The following PPIA variants were observed in gnomAD, a reference collection of about 807,000 sequenced individuals.
PPIA encodes peptidylprolyl isomerase A.
Under a neutral mutation model 15.3 loss-of-function variants are expected in PPIA, and 2 were observed. The ratio of observed to expected loss-of-function variants is 0.13; its 90% CI spans 0.05 to 0.41. PPIA has a LOEUF of 0.41. Among genes scored for constraint, PPIA ranks in the 10% least tolerant of loss-of-function variants. The probability of loss-of-function intolerance (pLI) is 0.99; values close to 1 mark genes in which losing one functional copy is unlikely to be tolerated. For synonymous variants in PPIA, 67 were observed against 73.1 expected (o/e 0.92, Z 0.43); for missense variants, 103 against 210.3 (o/e 0.49, Z 3.16).
intron 1 of PPIA, among the ~76,000 whole-genome samples, chr7:44,797,512 C>T (rs1474563470): frequency 6.6e-6 from 1 of 152,186 alleles, no homozygotes; most frequent in African/African-American, 2.4e-5. Context: ...GACCGCCTTC[C>T]ACTGCAGTGA....
At chr7:44,797,569 C>A (rs867284511) in intron 1 of PPIA, among the ~76,000 whole-genome samples, 1 of 152,190 alleles carries the variant, frequency 6.6e-6, no homozygotes, top group African/African-American at 2.4e-5. Context: ...GATTGTCCCT[C>A]TGCCTAGCAA....
intron 1 of PPIA, among the ~76,000 whole-genome samples, chr7:44,797,410 G>T (rs1792408713): frequency 6.6e-6 from 1 of 152,184 alleles, no homozygotes; most frequent in African/African-American, 2.4e-5. Context: ...GATAAAGTAG[G>T]AATATTTATA....
In PPIA at chr7:44,802,405, T is replaced by TC. The variant is rs973170802; in HGVS notation, c.*986dup. 1 of 152,140 alleles carries TC rather than the reference T, an allele frequency of 6.6e-6. No homozygotes were observed. Among genetic ancestry groups the TC allele is most frequent in the African/African-American group, 2.4e-5 (1 of 41,420 alleles). 9.4% of individuals were successfully genotyped at this position (152,140 alleles called of 1,614,324 possible). A position where few individuals can be genotyped will look rare whatever the true frequency, so the allele number is the denominator to read the frequency against. ...CTCAGCTGATGCGCCTGCCTTGGCC[T>TC]CCCAAACTGCTGAGATTACAGATGT... On this transcript the variant is annotated 3_prime_UTR_variant, in exon 5 of 5. Coordinates refer to ENST00000468812, the MANE Select transcript of PPIA (RefSeq NM_021130.5).
intron 4 of PPIA, chr7:44,800,398 C>T (rs75289788): frequency 0.25 from 36,026 of 142,268 alleles, 7,140 homozygotes; most frequent in East Asian, 0.73. Context: ...CAATTAAGTG[C>T]TTTTTTTTTT....
chr7:44,799,957 C>G, intron 4 of PPIA, 83 bp downstream of exon 4: 2 of 1,421,966 alleles, frequency 1.4e-6, no homozygotes, highest in Middle Eastern at 1.8e-4. Context: ...TACTTTTCTT[C>G]AACCTTTGCT....
In PPIA at chr7:44,801,563, TC is replaced by T. The variant is rs1792563076; in HGVS notation, c.*144del. 1.7e-6 allele frequency: 1 copy of T among 588,786 alleles called. No homozygotes were observed. Among genetic ancestry groups the T allele is most frequent in the Admixed American group, 3.1e-5 (1 of 32,482 alleles). The allele number at this position is 588,786 out of a possible 1,614,324, so 36.5% of individuals were successfully genotyped here. A position where few individuals can be genotyped will look rare whatever the true frequency, so the allele number is the denominator to read the frequency against. On this transcript the variant is annotated 3_prime_UTR_variant, in exon 5 of 5. Transcript: ENST00000468812. The stretch of plus-strand genomic sequence containing the variant: ...CCTTTGGGTTCCATGTTTTCCTTGT[TC>T]CCTCCCATGCCTAGCTGGATTGCAG...
intron 1 of PPIA, 76 bp from the exon 2 acceptor site, chr7:44,799,171 C>T: frequency 1.4e-6 from 2 of 1,457,612 alleles, no homozygotes; most frequent in African/African-American, 2.9e-5. Flanking sequence ...GAATTTATGA[C>T]TCAGAAGCCC....
At chr7:44,798,074 C>T (rs1393757995) in intron 1 of PPIA, 1 of 152,098 alleles carries the variant, frequency 6.6e-6, no homozygotes, top group Non-Finnish European at 1.5e-5. Context: ...ACCCAAAGAG[C>T]TTCAGGGAAA....
intron 3 of PPIA, 71 bp downstream of exon 3, chr7:44,799,551 G>A: frequency 6.3e-7 from 1 of 1,576,074 alleles, no homozygotes; most frequent in South Asian, 1.1e-5. Context: ...GAATATTTCA[G>A]GATACACATA....
intron 1 of PPIA, chr7:44,798,986 A>G: frequency 8.4e-7 from 1 of 1,186,942 alleles, no homozygotes; most frequent in Non-Finnish European, 1.1e-6. Context: ...TGATGTACTA[A>G]AAGTTTGAGA....
At chr7:44,797,161 G>C (rs1216350266) in intron 1 of PPIA, among the ~76,000 whole-genome samples, 1 of 152,222 alleles carries the variant, frequency 6.6e-6, no homozygotes, top group East Asian at 1.9e-4. Context: ...GGGCGCCGCA[G>C]ACCGGAGCCA....
At chr7:44,798,816 T>A in intron 1 of PPIA, 1 of 995,224 alleles carries the variant, frequency 1.0e-6, no homozygotes, top group Non-Finnish European at 1.2e-6. Flanking sequence ...AGATTGGAGG[T>A]AGTAGCATTT....
chr7:44,799,641 C>A lies in PPIA; in HGVS notation c.190-61C>A, dbSNP rs140986835. On this transcript the variant is annotated intron_variant, in intron 3 of 4. Coordinates refer to ENST00000468812, the MANE Select transcript of PPIA (RefSeq NM_021130.5). ...ACTTGGGTTTAAAGTTTGAACCTTG[C>A]AGATTTGGCACACTTCATGGTTATG... 4 of 1,604,198 alleles carry A rather than the reference C, an allele frequency of 2.5e-6. No individual in the cohort carries two copies. In the East Asian group the frequency reaches 6.7e-5, roughly 27 times the overall value.
Position 44,799,424 on chromosome 7 carries a change from G to A in PPIA, c.133G>A (p.Gly45Arg). The A allele has an allele frequency of 6.2e-7, 1 of 1,613,036 alleles. No individual in the cohort carries two copies. The highest frequency in any genetic ancestry group is 8.5e-7 in the Non-Finnish European group (1 of 1,179,966). ...NFRALSTGEK[G>R]FGYKGSCFHR... ...TCGTGCTCTGAGCACTGGAGAGAAAGGATTTGGTTATAAGGGTTCCTGCTT... is the reference window on the plus strand; with the variant it reads ...TCGTGCTCTGAGCACTGGAGAGAAAAGATTTGGTTATAAGGGTTCCTGCTT... Residue 45 changes from glycine (G) to arginine (R), a missense_variant, in exon 3 of 5, where the codon GGA (glycine) becomes AGA (arginine). By Grantham distance (125) the Gly-to-Arg change is moderately radical. Coordinates refer to ENST00000468812, the MANE Select transcript of PPIA (RefSeq NM_021130.5).
rs1405492605 is a variant in PPIA at position 44,799,882 on chromosome 7, T to TAC, written c.362+10_362+11dup. ...CACTGCCAAGACTGAGTGGTAAGGG[T>TAC]ACAACATGGCACACTAACCACCTGA... On this transcript the variant is annotated intron_variant, in intron 4 of 4. Coordinates refer to ENST00000468812, the MANE Select transcript of PPIA (RefSeq NM_021130.5). 6.2e-7 allele frequency: 1 copy of TAC among 1,608,338 alleles called. No homozygotes were observed. The highest frequency in any genetic ancestry group is 2.2e-5 in the East Asian group (1 of 44,884).
At chr7:44,800,032 A>G (rs989539477) in intron 4 of PPIA, 158 bp downstream of exon 4, 5 of 733,224 alleles carry the variant, frequency 6.8e-6, no homozygotes, top group Middle Eastern at 3.6e-4. Flanking sequence ...AATATAGCCA[A>G]TGTGATACAG....
intron 4 of PPIA, 91 bp from the exon 5 acceptor site, chr7:44,801,196 A>T: frequency 7.2e-7 from 1 of 1,387,936 alleles, no homozygotes; most frequent in Non-Finnish European, 9.7e-7. Context: ...TAAAAAAAAA[A>T]AAAAAAGCTA....
chr7:44,799,993 T>C, intron 4 of PPIA, 119 bp downstream of exon 4: 1 of 1,033,870 alleles, frequency 9.7e-7, no homozygotes, highest in South Asian at 1.5e-5. Flanking sequence ...ATCCCTAAGA[T>C]ACTAGAAGAA....
Position 44,799,861 on chromosome 7 carries a change from G to A in PPIA, c.349G>A (p.Ala117Thr). Reference sequence around the variant, plus strand: ...TGGTTCCCAGTTTTTCATCTGCACTGCCAAGACTGAGTGGTAAGGGTACAA... The same window carrying A: ...TGGTTCCCAGTTTTTCATCTGCACTACCAAGACTGAGTGGTAAGGGTACAA... ...TNGSQFFICTAKTEWLDGKHV... is the reference protein window; with the variant it reads ...TNGSQFFICTTKTEWLDGKHV... The change falls in exon 4 of 5, where the codon GCC becomes ACC. Residue 117 changes from alanine to threonine, a missense_variant. By Grantham distance (58) the Ala-to-Thr change is moderately conservative (BLOSUM62 0). Coordinates refer to ENST00000468812, the MANE Select transcript of PPIA (RefSeq NM_021130.5). The A allele has an allele frequency of 6.2e-7, 1 of 1,611,178 alleles. No homozygotes were observed. The highest frequency in any genetic ancestry group is 1.1e-5 in the South Asian group (1 of 91,090).
Sources: gnomAD v4.1 joint callset for allele counts (sites outside exome capture counted in the v4.1 genomes callset) on GRCh38, gnomAD v4.1.1 for gene constraint, MANE v1.5 for transcripts, NCBI Gene and HGNC (gene_info 2026-07-23, HGNC 2026-07-21) for gene names.